CLSTN2: variants seen among roughly 807,000 people sequenced by gnomAD.
CLSTN2 encodes the protein calsyntenin-2.
Under a neutral mutation model 101.2 loss-of-function variants are expected in CLSTN2, and 48 were observed. That is an observed-to-expected ratio of 0.47 (90% confidence interval 0.38 to 0.60). The LOEUF (loss-of-function observed/expected upper bound fraction) is 0.60, where lower values mean the gene tolerates loss of function less well. Ranked by LOEUF, CLSTN2 falls within the 20% of genes least tolerant of loss-of-function variation. The pLI is 0.00. For synonymous variants in CLSTN2, 481 were observed against 463.6 expected, an observed-to-expected ratio of 1.04 and a Z score of -0.48; for missense variants, 1,160 against 1,238.2, an observed-to-expected ratio of 0.94 and a Z score of 0.95.
In CLSTN2 at chr3:140,278,408, T is replaced by C. The variant is rs139464197; in HGVS notation, c.232+102335T>C. On this transcript the variant is annotated intron_variant, in intron 2 of 16. Coordinates refer to ENST00000458420, the MANE Select transcript of CLSTN2 (RefSeq NM_022131.3). ...TTTACAGCTTCTCTCAGGCTTCCCC[T>C]TTGCCTGTGAAGCACTTTCTCTCCT... Among the ~76,000 whole-genome samples, 819 of 152,284 alleles carry C rather than the reference T, an allele frequency of 5.4e-3. 9 individuals are homozygous for C. Among genetic ancestry groups the C allele is most frequent in the African/African-American group, 0.019 (771 of 41,542 alleles).
intron 1 of CLSTN2, among the ~76,000 whole-genome samples, chr3:140,000,587 C>T (rs911568899): frequency 3.9e-4 from 60 of 152,040 alleles, no homozygotes; most frequent in African/African-American, 1.3e-3. Flanking sequence ...GTGTCAGGAC[C>T]CAGATGAGTA....
chr3:140,103,419 C>G (rs939223554), intron 1 of CLSTN2, among the ~76,000 whole-genome samples: 3 of 152,204 alleles, frequency 2.0e-5, no homozygotes, highest in African/African-American at 7.2e-5. Context: ...TTTCTCTCAA[C>G]CACAATTTTC....
At chr3:140,502,579 C>T (rs1559887863) in intron 8 of CLSTN2, among the ~76,000 whole-genome samples, 1 of 152,200 alleles carries the variant, frequency 6.6e-6, no homozygotes, top group South Asian at 2.1e-4. Flanking sequence ...TATTGATAAA[C>T]ACTCTTCAAA....
chr3:140,141,836 C>G (rs2009703546), intron 1 of CLSTN2, among the ~76,000 whole-genome samples: 1 of 152,222 alleles, frequency 6.6e-6, no homozygotes, highest in South Asian at 2.1e-4. Flanking sequence ...TATGCTCCAC[C>G]AAGCTCCCTG....
At chr3:140,416,415 A>T (rs1046284541) in intron 4 of CLSTN2, among the ~76,000 whole-genome samples, 1 of 152,184 alleles carries the variant, frequency 6.6e-6, no homozygotes, top group Non-Finnish European at 1.5e-5. Context: ...ACTATGTGAC[A>T]TGATGCATAT....
intron 2 of CLSTN2, among the ~76,000 whole-genome samples, chr3:140,315,793 G>A (rs2087223486): frequency 6.6e-6 from 1 of 152,174 alleles, no homozygotes; most frequent in African/African-American, 2.4e-5. Context: ...TTTAACAAGA[G>A]CACATCCCTC....
At chr3:140,552,008 A>C (rs948675282) in intron 10 of CLSTN2, among the ~76,000 whole-genome samples, 2 of 152,012 alleles carry the variant, frequency 1.3e-5, no homozygotes, top group African/African-American at 2.4e-5. Flanking sequence ...TCAGAGTCCA[A>C]ATTTACTTAA....
chr3:140,373,453 C>A (rs1407518246), intron 2 of CLSTN2, among the ~76,000 whole-genome samples: 1 of 152,250 alleles, frequency 6.6e-6, no homozygotes, highest in Admixed American at 6.5e-5. Flanking sequence ...GCTGCACTCT[C>A]ACAAAAGGTG....
chr3:140,375,453 A>C (rs963160907), intron 2 of CLSTN2, among the ~76,000 whole-genome samples: 1 of 152,232 alleles, frequency 6.6e-6, no homozygotes, highest in Non-Finnish European at 1.5e-5. Flanking sequence ...ATGGGGACCC[A>C]GCCTTAAGCA....
chr3:140,429,131 T>G (rs1056908808), intron 5 of CLSTN2, among the ~76,000 whole-genome samples: 2 of 152,192 alleles, frequency 1.3e-5, no homozygotes, highest in African/African-American at 4.8e-5. Flanking sequence ...CTGGCTAGAT[T>G]CGTTGCTTTT....
At chr3:140,351,581 G>A (rs1191054273) in intron 2 of CLSTN2, among the ~76,000 whole-genome samples, 1 of 152,152 alleles carries the variant, frequency 6.6e-6, no homozygotes, top group Non-Finnish European at 1.5e-5. Context: ...TAAACTCTGT[G>A]GGCCAAAAGG....
chr3:140,404,139 G>C (rs1231866711), intron 3 of CLSTN2, among the ~76,000 whole-genome samples: 1 of 152,172 alleles, frequency 6.6e-6, no homozygotes, highest in Admixed American at 6.5e-5. Context: ...ACCTTTCCCT[G>C]GGCCTCTGCC....
intron 1 of CLSTN2, among the ~76,000 whole-genome samples, chr3:140,026,035 G>A (rs903533270): frequency 3.9e-5 from 6 of 152,152 alleles, no homozygotes; most frequent in Non-Finnish European, 8.8e-5. Flanking sequence ...ATGGAGTGAT[G>A]GGGAGCATTG....
intron 12 of CLSTN2, among the ~76,000 whole-genome samples, chr3:140,559,834 G>A (rs1935874394): frequency 6.6e-6 from 1 of 152,072 alleles, no homozygotes; most frequent in Admixed American, 6.5e-5. Context: ...CCTAGTGAAG[G>A]GGGTACTCAA....
chr3:140,158,819 A>C (rs2009999805), intron 1 of CLSTN2, among the ~76,000 whole-genome samples: 1 of 152,204 alleles, frequency 6.6e-6, no homozygotes, highest in Non-Finnish European at 1.5e-5. Flanking sequence ...TGGTACTGGC[A>C]CAAAAACAGA....
intron 1 of CLSTN2, among the ~76,000 whole-genome samples, chr3:140,007,158 A>C (rs1661064568): frequency 1.3e-5 from 2 of 151,598 alleles, no homozygotes; most frequent in Admixed American, 1.3e-4. Context: ...TGAAAATGAG[A>C]TGGAATGGGG....
intron 2 of CLSTN2, among the ~76,000 whole-genome samples, chr3:140,198,190 A>T (rs2010669782): frequency 6.6e-6 from 1 of 152,158 alleles, no homozygotes; most frequent in Admixed American, 6.5e-5. Flanking sequence ...TTATCTTCTT[A>T]CTGTAATTAA....
intron 8 of CLSTN2, among the ~76,000 whole-genome samples, chr3:140,509,110 A>G (rs1045025852): frequency 4.6e-5 from 7 of 152,190 alleles, no homozygotes; most frequent in South Asian, 2.1e-4. Flanking sequence ...CACATCCCCA[A>G]TGCTTGGGAA....
chr3:140,269,539 A>G (rs114990025), intron 2 of CLSTN2, among the ~76,000 whole-genome samples: 448 of 152,316 alleles, frequency 2.9e-3, no homozygotes, highest in Non-Finnish European at 4.9e-3. Context: ...GCTCAACACA[A>G]ATGTGGGACA....
Sources: gnomAD v4.1 joint callset for allele counts (sites outside exome capture counted in the v4.1 genomes callset) on GRCh38, gnomAD v4.1.1 for gene constraint, MANE v1.5 for transcripts, NCBI Gene and HGNC (gene_info 2026-07-23, HGNC 2026-07-21) for gene names.